SLC35A5: variants seen among roughly 807,000 people sequenced by gnomAD.
The protein encoded by SLC35A5 is UDP-sugar transporter protein SLC35A5.
Under a neutral mutation model 36.3 loss-of-function variants are expected in SLC35A5, and 28 were observed. That is an observed-to-expected ratio of 0.77 (90% CI 0.57 to 1.06). The LOEUF is 1.06. Among genes scored for constraint, SLC35A5 ranks in the 50% least tolerant of loss-of-function variants. SLC35A5 has a pLI of 0.00. For synonymous variants in SLC35A5, 180 were observed against 173.7 expected, an observed-to-expected ratio of 1.04 and a Z score of -0.29; for missense variants, 521 against 499.3, an observed-to-expected ratio of 1.04 and a Z score of -0.41.
At position 112,581,292 on chromosome 3, in the gene SLC35A5, A is replaced by G; in HGVS notation, c.1175A>G (p.Asp392Gly). Reference sequence around the variant, plus strand: ...GCACCTAGGCAAGAAAGGATCCGAGATCTAAGTGGCAATCTTTGGGAGCGT... The same window carrying G: ...GCACCTAGGCAAGAAAGGATCCGAGGTCTAAGTGGCAATCTTTGGGAGCGT... The part of the protein sequence containing the change: ...EYAPRQERIR[D>G]LSGNLWERSS... Residue 392 changes from aspartate (D) to glycine (G), a missense_variant, in exon 6 of 7, where the codon GAT (aspartate) becomes GGT (glycine). Physicochemically the swap from Asp to Gly is moderately conservative, Grantham distance 94. Coordinates refer to ENST00000492406, the MANE Select transcript of SLC35A5 (RefSeq NM_017945.5). 2 of 1,611,848 alleles carry G rather than the reference A, an allele frequency of 1.2e-6. No homozygotes were observed. Among genetic ancestry groups the G allele is most frequent in the South Asian group, 1.1e-5 (1 of 90,790 alleles).
chr3:112,574,340 G>C (rs1272579911), intron 5 of SLC35A5, among the ~76,000 whole-genome samples: 3 of 152,170 alleles, frequency 2.0e-5, no homozygotes, highest in Non-Finnish European at 4.4e-5. Context: ...GTTTGGAGAT[G>C]ATAGATAATG....
intron 6 of SLC35A5, among the ~76,000 whole-genome samples, chr3:112,581,636 G>A (rs1370326777): frequency 6.6e-6 from 1 of 151,150 alleles, no homozygotes; most frequent in East Asian, 1.9e-4. Context: ...AGTTTTACAA[G>A]AAACAGGCAA....
At chr3:112,581,463 A>G (rs907764184) in intron 6 of SLC35A5, 137 bp downstream of exon 6, 3 of 909,516 alleles carry the variant, frequency 3.3e-6, no homozygotes, top group African/African-American at 3.4e-5. Context: ...GAATCAACAA[A>G]CATTCCTTTT....
intron 2 of SLC35A5, among the ~76,000 whole-genome samples, chr3:112,566,058 C>T (rs1159744645): frequency 1.3e-5 from 2 of 152,094 alleles, no homozygotes; most frequent in Non-Finnish European, 1.5e-5. Context: ...TGAAGACTAA[C>T]TTAGTGTTTT....
chr3:112,568,915 A>G (rs532252418), intron 2 of SLC35A5, among the ~76,000 whole-genome samples: 2 of 152,290 alleles, frequency 1.3e-5, no homozygotes, highest in African/African-American at 4.8e-5. Context: ...AGCCTCCTTA[A>G]TGTATTAGCA....
intron 4 of SLC35A5, 83 bp downstream of exon 4, chr3:112,570,753 T>C (rs1157973591): frequency 1.5e-6 from 2 of 1,359,298 alleles, no homozygotes; most frequent in African/African-American, 1.5e-5. Flanking sequence ...ATCATTTTTG[T>C]TGGCATTGTT....
intron 4 of SLC35A5, among the ~76,000 whole-genome samples, chr3:112,571,801 A>T (rs1290578902): frequency 6.6e-6 from 1 of 152,116 alleles, no homozygotes; most frequent in Admixed American, 6.5e-5. Context: ...GCCATGATTC[A>T]GTTATCTCCA....
At chr3:112,582,632 C>T in intron 6 of SLC35A5, 39 bp from the exon 7 acceptor site, 1 of 1,518,934 alleles carries the variant, frequency 6.6e-7, no homozygotes, top group South Asian at 1.1e-5. Context: ...GCTACATTTC[C>T]AGTTTTGTTC....
chr3:112,563,647 G>A, intron 2 of SLC35A5, 114 bp downstream of exon 2: 1 of 1,090,568 alleles, frequency 9.2e-7, no homozygotes, highest in Non-Finnish European at 1.2e-6. Context: ...TGCTTCATGT[G>A]AGTGATAAAG....
At chr3:112,564,558 C>CT (rs1356666724) in intron 2 of SLC35A5, among the ~76,000 whole-genome samples, 1 of 152,094 alleles carries the variant, frequency 6.6e-6, no homozygotes, top group African/African-American at 2.4e-5. Flanking sequence ...AGACAGATGC[C>CT]TTCCTCTTGT....
chr3:112,575,498 A>G (rs561229410), intron 5 of SLC35A5, among the ~76,000 whole-genome samples: 5 of 152,142 alleles, frequency 3.3e-5, no homozygotes, highest in African/African-American at 7.2e-5. Flanking sequence ...ATCTATTTAT[A>G]CTATACATTT....
At position 112,584,777 on chromosome 3, in the gene SLC35A5, T is replaced by A. The variant is rs989349679; in HGVS notation, c.*2041T>A. 6.6e-6 allele frequency: 1 copy of A among 152,146 alleles called. No individual in the cohort carries two copies. 9.4% of individuals were successfully genotyped at this position (152,146 alleles called of 1,614,324 possible). Reference sequence around the variant, plus strand: ...AGCAGTATTCACAGTAACAAAATCATGGACTCAACCTAAGTGTCCATCAGT... The same window carrying A: ...AGCAGTATTCACAGTAACAAAATCAAGGACTCAACCTAAGTGTCCATCAGT... On this transcript the variant is annotated 3_prime_UTR_variant, in exon 7 of 7. Transcript: ENST00000492406.
At chr3:112,562,401 C>T (rs1576737286) in intron 1 of SLC35A5, 128 bp downstream of exon 1, 1 of 152,398 alleles carries the variant, frequency 6.6e-6, no homozygotes, top group African/African-American at 2.4e-5. Flanking sequence ...TGGCCCCCTC[C>T]TGTCGGGGAG....
upstream of SLC35A5, chr3:112,561,842 GCACCC>G: frequency 2.7e-6 from 1 of 370,910 alleles, no homozygotes; most frequent in Non-Finnish European, 4.9e-6. Context: ...GGACGCACAC[GCACCC>G]CTCGCCCTCT....
chr3:112,562,611 T>C (rs1933973739), intron 1 of SLC35A5, among the ~76,000 whole-genome samples: 1 of 152,184 alleles, frequency 6.6e-6, no homozygotes, highest in Non-Finnish European at 1.5e-5. Flanking sequence ...TTTCAAACAC[T>C]AACTAGTTCA....
chr3:112,574,082 T>A (rs1306282042), intron 5 of SLC35A5, 126 bp downstream of exon 5: 1 of 771,394 alleles, frequency 1.3e-6, no homozygotes, highest in African/African-American at 1.7e-5. Context: ...ATTGACTTTG[T>A]GTACTGGGCA....
In SLC35A5 at chr3:112,584,874, C is replaced by T. The variant is rs1935086575; in HGVS notation, c.*2138C>T. 1 of 152,038 alleles carries T rather than the reference C, an allele frequency of 6.6e-6. No individual in the cohort carries two copies. The allele number at this position is 152,038 out of a possible 1,614,324, so 9.4% of individuals were successfully genotyped here. A position where few individuals can be genotyped will look rare whatever the true frequency, so the allele number is the denominator to read the frequency against. The stretch of plus-strand genomic sequence containing the variant: ...TTGCAGCCATAAAAAATAATGAAAC[C>T]ATGTGCTTTAAAGCCACATGGATGC... On this transcript the variant is annotated 3_prime_UTR_variant, in exon 7 of 7. Transcript: ENST00000492406.
At chr3:112,569,915 A>G (rs185100498) in intron 3 of SLC35A5, among the ~76,000 whole-genome samples, 2 of 152,370 alleles carry the variant, frequency 1.3e-5, no homozygotes, top group Admixed American at 6.5e-5. Flanking sequence ...TTGCCCAGCA[A>G]GATGTCTTTT....
intron 5 of SLC35A5, among the ~76,000 whole-genome samples, chr3:112,574,296 G>T (rs1044102315): frequency 1.3e-5 from 2 of 152,190 alleles, no homozygotes; most frequent in Non-Finnish European, 2.9e-5. Context: ...GAAGCAAATG[G>T]TTCCTAAGAT....
Sources: allele counts gnomAD v4.1 joint callset (sites outside exome capture counted in the v4.1 genomes callset), GRCh38; gene constraint gnomAD v4.1.1; transcripts MANE v1.5; gene names NCBI Gene and HGNC (gene_info 2026-07-23, HGNC 2026-07-21).